CFAP299: variants seen among roughly 807,000 people sequenced by gnomAD.
CFAP299 encodes the protein cilia- and flagella-associated protein 299.
In CFAP299, 21 loss-of-function variants were observed where a neutral mutation model predicts 27.0. The observed-to-expected ratio is 0.78, with a 90% CI of 0.55 to 1.12. The LOEUF is 1.12. Among genes scored for constraint, CFAP299 ranks in the 50% most tolerant of loss-of-function variants. CFAP299 has a pLI of 0.00. For missense variants in CFAP299, 310 were observed against 276.6 expected (o/e 1.12, Z -0.86); for synonymous variants, 104 against 98.1 (o/e 1.06, Z -0.36).
chr4:80,482,436 T>C (rs1221400496), intron 2 of CFAP299, among the ~76,000 whole-genome samples: 1 of 152,178 alleles, frequency 6.6e-6, no homozygotes, highest in African/African-American at 2.4e-5. Context: ...GAAATGAGAA[T>C]ATTTTAGCAC....
intron 3 of CFAP299, among the ~76,000 whole-genome samples, chr4:80,743,353 G>A (rs552455697): frequency 1.3e-5 from 2 of 152,204 alleles, no homozygotes; most frequent in African/African-American, 4.8e-5. Context: ...ATTATTTTCT[G>A]TAGATACATA....
In CFAP299 at chr4:80,874,773, T is replaced by C. The variant is rs1733283442; in HGVS notation, c.476+4638T>C. ...ATTCAAACCATAGCAATATTAAATT[T>C]TGAGAAGCATGCCCTAGACTGGTGC... On this transcript the variant is annotated intron_variant, in intron 4 of 5. Coordinates refer to ENST00000358105, the MANE Select transcript of CFAP299 (RefSeq NM_152770.3). Among the ~76,000 whole-genome samples, 3 of 152,170 alleles carry C rather than the reference T, an allele frequency of 2.0e-5. No homozygotes were observed. The South Asian group carries it at 6.2e-4, about 31-fold the overall frequency.
At chr4:80,613,849 A>C (rs1242706797) in intron 3 of CFAP299, among the ~76,000 whole-genome samples, 2 of 152,176 alleles carry the variant, frequency 1.3e-5, no homozygotes, top group Non-Finnish European at 2.9e-5. Flanking sequence ...ATGCTTGACC[A>C]AAACACTGTT....
chr4:80,690,682 A>G (rs191844108), intron 3 of CFAP299, among the ~76,000 whole-genome samples: 1 of 152,258 alleles, frequency 6.6e-6, no homozygotes, highest in Non-Finnish European at 1.5e-5. Flanking sequence ...AAGGCAAGAA[A>G]TAACTAAAAT....
At chr4:80,583,225 A>G (rs778339700) in intron 3 of CFAP299, 42 bp downstream of exon 3, 3 of 1,131,920 alleles carry the variant, frequency 2.7e-6, no homozygotes, top group Non-Finnish European at 1.3e-6. Context: ...TATACACTAA[A>G]TGCACAATTA....
At chr4:80,953,256 A>G (rs577411633) in intron 5 of CFAP299, among the ~76,000 whole-genome samples, 78 of 152,220 alleles carry the variant, frequency 5.1e-4, no homozygotes, top group African/African-American at 1.8e-3. Context: ...TTTTCCTTGG[A>G]GGCCTCTTAT....
chr4:80,423,674 G>A (rs1443893987), intron 2 of CFAP299, among the ~76,000 whole-genome samples: 1 of 152,194 alleles, frequency 6.6e-6, no homozygotes, highest in Non-Finnish European at 1.5e-5. Context: ...AGAGTTCCAG[G>A]AGGCAGTCTG....
chr4:80,579,960 C>T (rs1205340837), intron 2 of CFAP299, among the ~76,000 whole-genome samples: 3 of 151,946 alleles, frequency 2.0e-5, no homozygotes, highest in African/African-American at 7.2e-5. Flanking sequence ...ATAAGCTATG[C>T]TTGGGAAGGT....
chr4:80,328,084 AC>A, the CFAP299 span, among the ~76,000 whole-genome samples: 79 of 152,284 alleles, frequency 5.2e-4, 1 homozygote, highest in Non-Finnish European at 7.9e-4. Flanking sequence ...TAGAAAAAAA[AC>A]AATCTTAGTC....
At chr4:80,899,735 A>G (rs1281551764) in intron 4 of CFAP299, among the ~76,000 whole-genome samples, 1 of 152,206 alleles carries the variant, frequency 6.6e-6, no homozygotes, top group Non-Finnish European at 1.5e-5. Context: ...CTCTGGCATC[A>G]GTCAGCTTGG....
chr4:80,952,860 G>A (rs1163044334), intron 5 of CFAP299, among the ~76,000 whole-genome samples: 1 of 152,016 alleles, frequency 6.6e-6, no homozygotes, highest in Non-Finnish European at 1.5e-5. Context: ...TGCTTCTGAG[G>A]TCGTTGGCTT....
intron 2 of CFAP299, among the ~76,000 whole-genome samples, chr4:80,465,179 C>T (rs17004906): frequency 0.19 from 29,430 of 151,932 alleles, 3,000 homozygotes; most frequent in South Asian, 0.29. Context: ...TGCTTCCCAG[C>T]AGATGCAAGT....
intron 2 of CFAP299, among the ~76,000 whole-genome samples, chr4:80,417,001 G>A (rs116392207): frequency 0.012 from 1,764 of 152,366 alleles, 43 homozygotes; most frequent in African/African-American, 0.04. Context: ...CATAGGCAGA[G>A]CAGCAGCCTG....
At chr4:80,933,860 A>C (rs1293704628) in intron 4 of CFAP299, among the ~76,000 whole-genome samples, 4 of 152,152 alleles carry the variant, frequency 2.6e-5, no homozygotes, top group Non-Finnish European at 5.9e-5. Context: ...ATATAAGATG[A>C]TATCATTTGC....
At chr4:80,362,259 G>A (rs1222783900) in intron 1 of CFAP299, among the ~76,000 whole-genome samples, 1 of 151,326 alleles carries the variant, frequency 6.6e-6, no homozygotes, top group Non-Finnish European at 1.5e-5. Flanking sequence ...TGTATTTGAA[G>A]TTATAATATT....
chr4:80,611,525 C>T (rs897006537), intron 3 of CFAP299, among the ~76,000 whole-genome samples: 10 of 152,036 alleles, frequency 6.6e-5, no homozygotes, highest in African/African-American at 9.7e-5. Context: ...TTTGTGGTTG[C>T]CCATAATACC....
chr4:80,544,934 A>G (rs1318529713), intron 2 of CFAP299, among the ~76,000 whole-genome samples: 1 of 152,246 alleles, frequency 6.6e-6, no homozygotes, highest in African/African-American at 2.4e-5. Flanking sequence ...CACATGGCAC[A>G]TACTCTAAGA....
At chr4:80,918,684 T>C (rs1308639617) in intron 4 of CFAP299, among the ~76,000 whole-genome samples, 2 of 152,092 alleles carry the variant, frequency 1.3e-5, no homozygotes, top group Admixed American at 6.6e-5. Context: ...GCCGATCATA[T>C]CTCTTCCCCA....
intron 2 of CFAP299, among the ~76,000 whole-genome samples, chr4:80,445,490 C>G (rs1728576101): frequency 1.3e-5 from 2 of 151,856 alleles, no homozygotes; most frequent in African/African-American, 2.4e-5. Context: ...CACATGGACA[C>G]AGGGAGGGGA....
Sources: gnomAD v4.1 joint callset for allele counts (sites outside exome capture counted in the v4.1 genomes callset) on GRCh38, gnomAD v4.1.1 for gene constraint, MANE v1.5 for transcripts, NCBI Gene and HGNC (gene_info 2026-07-23, HGNC 2026-07-21) for gene names.